The following SUGCT variants were observed in gnomAD, a reference collection of about 807,000 sequenced individuals.
SUGCT encodes the protein succinyl-CoA:glutarate CoA-transferase.
In SUGCT, 41 loss-of-function variants were observed where a neutral mutation model predicts 55.0. That is an observed-to-expected ratio of 0.74 (90% CI 0.58 to 0.97). SUGCT has a LOEUF of 0.97. Among genes scored for constraint, SUGCT ranks in the 50% least tolerant of loss-of-function variants. The pLI, the probability that SUGCT is intolerant of heterozygous loss-of-function variation, is 0.00. For missense variants in SUGCT, 568 were observed against 547.8 expected, an observed-to-expected ratio of 1.04 and a Z score of -0.37; for synonymous variants, 187 against 200.4, an observed-to-expected ratio of 0.93 and a Z score of 0.56.
intron 12 of SUGCT, among the ~76,000 whole-genome samples, chr7:40,659,998 G>A (rs1420738861): frequency 2.0e-5 from 3 of 152,068 alleles, no homozygotes; most frequent in Admixed American, 6.6e-5. Flanking sequence ...TTTTGAAGAC[G>A]TCTCCAACTT....
chr7:40,488,631 C>T (rs540401542), intron 11 of SUGCT, among the ~76,000 whole-genome samples: 5 of 152,068 alleles, frequency 3.3e-5, no homozygotes, highest in Non-Finnish European at 5.9e-5. Context: ...GCTTGAAGAA[C>T]GATCTTTAGC....
At chr7:40,140,417 T>C (rs1029493620) in intron 1 of SUGCT, among the ~76,000 whole-genome samples, 2 of 152,176 alleles carry the variant, frequency 1.3e-5, no homozygotes, top group Non-Finnish European at 2.9e-5. Context: ...TATTTATTTA[T>C]TGAGGTAGAG....
intron 13 of SUGCT, among the ~76,000 whole-genome samples, chr7:40,785,468 C>T (rs1013219877): frequency 7.2e-5 from 11 of 152,096 alleles, no homozygotes; most frequent in African/African-American, 2.7e-4. Flanking sequence ...AATTAGTAAC[C>T]AGGAACTTAA....
chr7:40,800,724 G>A (rs1387748623), intron 13 of SUGCT, among the ~76,000 whole-genome samples: 1 of 152,000 alleles, frequency 6.6e-6, no homozygotes. Flanking sequence ...AGGTGTACAG[G>A]GCATACAGAG....
intron 12 of SUGCT, among the ~76,000 whole-genome samples, chr7:40,708,480 G>A (rs995829652): frequency 6.6e-6 from 1 of 152,106 alleles, no homozygotes; most frequent in Non-Finnish European, 1.5e-5. Flanking sequence ...TTTATCTGTG[G>A]TCCCTGCTTC....
At chr7:40,395,508 A>AAAAAAAG (rs1562744773) in intron 9 of SUGCT, among the ~76,000 whole-genome samples, 15 of 151,050 alleles carry the variant, frequency 9.9e-5, no homozygotes, top group African/African-American at 3.4e-4. Context: ...AAAAAAAAAA[A>AAAAAAAG]AAAAAAGAAA....
intron 12 of SUGCT, among the ~76,000 whole-genome samples, chr7:40,723,960 A>G (rs1476382653): frequency 2.6e-5 from 4 of 152,196 alleles, no homozygotes; most frequent in Non-Finnish European, 4.4e-5. Context: ...CTGTTTCTCA[A>G]AAGGATTCAA....
the SUGCT span, among the ~76,000 whole-genome samples, chr7:40,930,880 G>A: frequency 1.3e-5 from 2 of 152,256 alleles, no homozygotes; most frequent in Admixed American, 1.3e-4. Context: ...GGGACGATTT[G>A]ACTTCCTCTT....
chr7:40,362,120 A>G (rs1164261305), intron 9 of SUGCT, among the ~76,000 whole-genome samples: 1 of 152,070 alleles, frequency 6.6e-6, no homozygotes, highest in Non-Finnish European at 1.5e-5. Context: ...GATTCAGATG[A>G]TTAAGAAGTT....
rs552272762 is a variant in SUGCT at position 40,579,314 on chromosome 7, T to G, written c.1089+82928T>G. Among the ~76,000 whole-genome samples the G allele has an allele frequency of 3.9e-5, 6 of 152,258 alleles. No individual in the cohort carries two copies. The South Asian group carries it at 1.2e-3, about 32-fold the overall frequency. On this transcript the variant is annotated intron_variant, in intron 12 of 13. Coordinates refer to ENST00000335693, the MANE Select transcript of SUGCT (RefSeq NM_001193313.2). ...GTGATCTATAGAAACTGAAGTAACA[T>G]TTCAACCCTGCCTTATGACAACCTG...
At chr7:40,844,845 A>G (rs1290197592) in intron 13 of SUGCT, among the ~76,000 whole-genome samples, 1 of 152,200 alleles carries the variant, frequency 6.6e-6, no homozygotes, top group Non-Finnish European at 1.5e-5. Flanking sequence ...TGGATTTTGT[A>G]TGTGTTTAGA....
At chr7:40,772,611 C>A (rs1789224229) in intron 13 of SUGCT, among the ~76,000 whole-genome samples, 1 of 151,160 alleles carries the variant, frequency 6.6e-6, no homozygotes, top group African/African-American at 2.4e-5. Flanking sequence ...ATCTATCTAT[C>A]TATCTATCTA....
At chr7:40,194,828 C>G (rs1786150383) in intron 5 of SUGCT, 112 bp from the exon 6 acceptor site, 6 of 1,254,564 alleles carry the variant, frequency 4.8e-6, no homozygotes, top group Non-Finnish European at 6.4e-6. Flanking sequence ...TTCATCAGTC[C>G]TGTGATTTTT....
intron 12 of SUGCT, among the ~76,000 whole-genome samples, chr7:40,579,506 C>T (rs1796958025): frequency 6.6e-6 from 1 of 152,132 alleles, no homozygotes; most frequent in Admixed American, 6.6e-5. Context: ...GGTTGGGTTG[C>T]AGGAAATACT....
chr7:40,923,376 TG>T, the SUGCT span, among the ~76,000 whole-genome samples: 1 of 152,216 alleles, frequency 6.6e-6, no homozygotes, highest in African/African-American at 2.4e-5. Context: ...TTAGCAGTTT[TG>T]ACAAGAATTC....
chr7:40,594,716 T>C (rs11974322), intron 12 of SUGCT, among the ~76,000 whole-genome samples: 34,800 of 152,114 alleles, frequency 0.23, 7,227 homozygotes, highest in African/African-American at 0.55. Flanking sequence ...TGTGTGGCAC[T>C]AACAAGACAA....
At chr7:40,311,515 T>C (rs1249639103) in intron 8 of SUGCT, among the ~76,000 whole-genome samples, 3 of 152,194 alleles carry the variant, frequency 2.0e-5, no homozygotes, top group Non-Finnish European at 4.4e-5. Context: ...TCTGTCTACC[T>C]TTCTCTTTCA....
At chr7:40,990,273 G>T in the SUGCT span, among the ~76,000 whole-genome samples, 1 of 152,218 alleles carries the variant, frequency 6.6e-6, no homozygotes, top group Non-Finnish European at 1.5e-5. Context: ...CAGGTGCATT[G>T]TTATGAGCAG....
intron 12 of SUGCT, among the ~76,000 whole-genome samples, chr7:40,656,525 C>T (rs946876806): frequency 1.3e-5 from 2 of 152,216 alleles, no homozygotes; most frequent in African/African-American, 4.8e-5. Context: ...ACTCTTCCTT[C>T]TGTCCCACAT....
Sources: allele counts gnomAD v4.1 joint callset (sites outside exome capture counted in the v4.1 genomes callset), GRCh38; gene constraint gnomAD v4.1.1; transcripts MANE v1.5; gene names NCBI Gene and HGNC (gene_info 2026-07-23, HGNC 2026-07-21).